Variants in GLMN observed in about 807,000 individuals in gnomAD.
GLMN encodes glomulin.
In GLMN, 75 loss-of-function variants were observed where a neutral mutation model predicts 87.8. That is an observed-to-expected ratio of 0.85 (90% CI 0.71 to 1.04). The LOEUF (loss-of-function observed/expected upper bound fraction) is 1.04, where lower values mean the gene tolerates loss of function less well. Among genes scored for constraint, GLMN ranks in the 50% least tolerant of loss-of-function variants. The pLI, the probability that GLMN is intolerant of heterozygous loss-of-function variation, is 0.00. For missense variants in GLMN, 588 were observed against 658.8 expected (o/e 0.89, Z 1.18); for synonymous variants, 206 against 221.6 (o/e 0.93, Z 0.63).
At chr1:92,318,376 G>A in the GLMN span, among the ~76,000 whole-genome samples, 2 of 152,150 alleles carry the variant, frequency 1.3e-5, no homozygotes, top group African/African-American at 4.8e-5. Flanking sequence ...ACTCACCCAA[G>A]GACACTTAGT....
chr1:92,297,995 G>T lies in GLMN; in HGVS notation c.5C>A (p.Ala2Asp). The part of the protein sequence containing the change: M[A>D]VEELQSIIKR... ...TATTATAGACTGAAGTTCCTCTACA[G>T]CCATTCTTATTTCTCCTAGTTTCGA... Residue 2 changes from alanine (A) to aspartate (D), a missense_variant, in exon 2 of 19, where the codon GCT becomes GAT. Coordinates refer to ENST00000370360, the MANE Select transcript of GLMN (RefSeq NM_053274.3). 6.7e-7 allele frequency: 1 copy of T among 1,500,196 alleles called. No individual in the cohort carries two copies. The highest frequency in any genetic ancestry group is 1.1e-5 in the South Asian group (1 of 88,510). The allele number at this position is 1,500,196 out of a possible 1,614,324, so 92.9% of individuals were successfully genotyped here. A position where few individuals can be genotyped will look rare whatever the true frequency, so the allele number is the denominator to read the frequency against.
At chr1:92,276,497 A>G (rs976363670) in intron 7 of GLMN, among the ~76,000 whole-genome samples, 1 of 151,960 alleles carries the variant, frequency 6.6e-6, no homozygotes, top group Non-Finnish European at 1.5e-5. Flanking sequence ...CCCCATCTCT[A>G]CCCAAAATAC....
At chr1:92,352,626 ACT>A in the GLMN span, among the ~76,000 whole-genome samples, 2 of 152,244 alleles carry the variant, frequency 1.3e-5, no homozygotes, top group East Asian at 3.8e-4. Context: ...CATTGAAATT[ACT>A]TTTTTATATT....
chr1:92,339,332 G>GCC, the GLMN span, among the ~76,000 whole-genome samples: 1 of 37,626 alleles, frequency 2.7e-5, no homozygotes, highest in African/African-American at 7.2e-5. Context: ...CCCCACAACC[G>GCC]CCCCCCAATC....
chr1:92,339,106 TA>T, the GLMN span, among the ~76,000 whole-genome samples: 1 of 152,234 alleles, frequency 6.6e-6, no homozygotes, highest in Non-Finnish European at 1.5e-5. Context: ...ACTTTGTCTA[TA>T]TTTTTTAGAA....
intron 2 of GLMN, 99 bp from the exon 3 acceptor site, chr1:92,297,628 A>T: frequency 9.7e-7 from 1 of 1,033,922 alleles, no homozygotes; most frequent in Non-Finnish European, 1.4e-6. Context: ...GAAAAAAGGA[A>T]ATCTGTTTAA....
At chr1:92,365,480 G>T in the GLMN span, among the ~76,000 whole-genome samples, 1 of 152,190 alleles carries the variant, frequency 6.6e-6, no homozygotes, top group Non-Finnish European at 1.5e-5. Flanking sequence ...AGTTCCCCAA[G>T]TGATTCTAAT....
the GLMN span, among the ~76,000 whole-genome samples, chr1:92,327,872 ATTTG>A: frequency 2.0e-5 from 3 of 152,086 alleles, no homozygotes; most frequent in African/African-American, 4.8e-5. Context: ...TTCTCTCAGA[ATTTG>A]TTTGTCTGAA....
At chr1:92,342,184 A>G in the GLMN span, among the ~76,000 whole-genome samples, 3 of 152,194 alleles carry the variant, frequency 2.0e-5, no homozygotes, top group Non-Finnish European at 4.4e-5. Context: ...GCACTTTTTA[A>G]TAGGCTGGTT....
intron 11 of GLMN, among the ~76,000 whole-genome samples, chr1:92,266,992 C>T (rs1570895031): frequency 6.6e-6 from 1 of 152,242 alleles, no homozygotes; most frequent in Non-Finnish European, 1.5e-5. Flanking sequence ...ATTATGTCTA[C>T]AGTGGCAAGA....
chr1:92,367,585 TTCA>T, the GLMN span, among the ~76,000 whole-genome samples: 18 of 152,314 alleles, frequency 1.2e-4, no homozygotes, highest in Middle Eastern at 3.4e-3. Context: ...TCTTTACATC[TTCA>T]TCACCTTTAT....
intron 7 of GLMN, among the ~76,000 whole-genome samples, chr1:92,279,683 C>T (rs1276505415): frequency 1.3e-5 from 2 of 148,416 alleles, no homozygotes; most frequent in South Asian, 2.1e-4. Context: ...GAGGGGTCAG[C>T]GAATTTCCCC....
intron 11 of GLMN, 133 bp downstream of exon 11, chr1:92,267,780 T>C (rs1655809109): frequency 3.0e-6 from 2 of 671,458 alleles, no homozygotes; most frequent in Admixed American, 2.4e-5. Context: ...GTCAAAGTTC[T>C]ACTGGACAGC....
intron 16 of GLMN, among the ~76,000 whole-genome samples, chr1:92,252,112 A>C (rs1331944691): frequency 6.6e-6 from 1 of 152,214 alleles, no homozygotes; most frequent in East Asian, 1.9e-4. Context: ...GTACAAATAT[A>C]CAATTAAGCT....
intron 13 of GLMN, among the ~76,000 whole-genome samples, chr1:92,265,983 A>T (rs1176848817): frequency 1.3e-5 from 2 of 152,222 alleles, no homozygotes; most frequent in Non-Finnish European, 2.9e-5. Flanking sequence ...AGTTGCTAGA[A>T]TCTTATCCAC....
the GLMN span, chr1:92,307,103 G>A: frequency 3.8e-5 from 34 of 889,840 alleles, no homozygotes; most frequent in African/African-American, 6.8e-5. Flanking sequence ...TTCTTTGAAC[G>A]ATACATTTAT....
At chr1:92,366,333 C>T in the GLMN span, among the ~76,000 whole-genome samples, 1 of 152,152 alleles carries the variant, frequency 6.6e-6, no homozygotes, top group Non-Finnish European at 1.5e-5. Flanking sequence ...TTAAATTTAG[C>T]TCTGACCTCT....
chr1:92,313,826 A>G, the GLMN span, among the ~76,000 whole-genome samples: 2 of 152,228 alleles, frequency 1.3e-5, no homozygotes, highest in Non-Finnish European at 2.9e-5. Context: ...GATCTGTTGG[A>G]TAACTTGCTG....
chr1:92,251,384 G>C (rs960866130), intron 16 of GLMN, among the ~76,000 whole-genome samples: 2 of 151,342 alleles, frequency 1.3e-5, no homozygotes, highest in Admixed American at 6.6e-5. Flanking sequence ...TCTACAAATA[G>C]TGTTGAGGTC....
Sources: allele counts gnomAD v4.1 joint callset (sites outside exome capture counted in the v4.1 genomes callset), GRCh38; gene constraint gnomAD v4.1.1; transcripts MANE v1.5; gene names NCBI Gene and HGNC (gene_info 2026-07-23, HGNC 2026-07-21).